Variants in FMNL2 observed in about 807,000 individuals in gnomAD.
The protein encoded by FMNL2 is formin like 2.
FMNL2 carries 51 observed loss-of-function variants against 130.2 expected under a neutral mutation model. The observed-to-expected ratio is 0.39, with a 90% CI of 0.31 to 0.49. The LOEUF (loss-of-function observed/expected upper bound fraction) is 0.49. Among genes scored for constraint, FMNL2 ranks in the 20% least tolerant of loss-of-function variants. The probability of loss-of-function intolerance (pLI) is 0.85; values close to 1 mark genes in which losing one functional copy is unlikely to be tolerated. For missense variants in FMNL2, 977 were observed against 1,316.2 expected (o/e 0.74, Z 3.99); for synonymous variants, 465 against 467.1 (o/e 1.00, Z 0.06).
rs1422293175 is a variant in FMNL2, at chr2:152,649,715, T to TATTA, written c.*1813_*1816dup. On this transcript the variant is annotated 3_prime_UTR_variant, in exon 26 of 26. Transcript: ENST00000288670. ...GTTGGCATGTTCTTTTCTGTTTGTC[T>TATTA]ATTAATGGGCCTGCTTCTTAGCAAT... 1.3e-5 allele frequency: 2 copies of TATTA among 152,658 alleles called. No individual in the cohort carries two copies. Among genetic ancestry groups the TATTA allele is most frequent in the African/African-American group, 4.8e-5 (2 of 41,462 alleles). The allele number at this position is 152,658 out of a possible 1,614,324, so 9.5% of individuals were successfully genotyped here.
chr2:152,637,462 G>A (rs539532704), intron 22 of FMNL2, 111 bp from the exon 23 acceptor site: 14 of 800,232 alleles, frequency 1.7e-5, no homozygotes, highest in Admixed American at 1.1e-4. Flanking sequence ...AGCAACGCAA[G>A]GCCATGGGAG....
intron 21 of FMNL2, among the ~76,000 whole-genome samples, chr2:152,633,351 C>T (rs1313074406): frequency 1.4e-4 from 21 of 152,300 alleles, no homozygotes; most frequent in Non-Finnish European, 5.9e-5. Context: ...TCGCCTCAGC[C>T]TCCTAAAGTG....
intron 1 of FMNL2, among the ~76,000 whole-genome samples, chr2:152,507,532 G>A (rs1161457776): frequency 3.9e-5 from 6 of 152,228 alleles, no homozygotes; most frequent in Admixed American, 6.5e-5. Context: ...CCTGAAATCC[G>A]CTTGGAGTAG....
chr2:152,609,428 TGAAA>T (rs1698565179), intron 10 of FMNL2, among the ~76,000 whole-genome samples: 1 of 152,216 alleles, frequency 6.6e-6, no homozygotes, highest in African/African-American at 2.4e-5. Flanking sequence ...GCACAACCTC[TGAAA>T]CAACATATTC....
At chr2:152,547,694 C>T (rs899985963) in intron 3 of FMNL2, among the ~76,000 whole-genome samples, 1 of 152,210 alleles carries the variant, frequency 6.6e-6, no homozygotes, top group Non-Finnish European at 1.5e-5. Flanking sequence ...TTACTTCCAT[C>T]CTCCTTCCTT....
intron 21 of FMNL2, 93 bp downstream of exon 21, chr2:152,632,230 A>C (rs1682224152): frequency 6.6e-7 from 1 of 1,503,774 alleles, no homozygotes; most frequent in Non-Finnish European, 8.9e-7. Flanking sequence ...TTCAGAACCC[A>C]TTTAAAAAGC....
At chr2:152,409,006 A>G (rs1028637125) in intron 1 of FMNL2, among the ~76,000 whole-genome samples, 4 of 151,344 alleles carry the variant, frequency 2.6e-5, no homozygotes, top group Non-Finnish European at 5.9e-5. Flanking sequence ...AAAGAACTAG[A>G]AGTTTCCTGG....
At chr2:152,375,877 C>CTCTCTCTCTCTATATATATATATATA (rs796954245) in intron 1 of FMNL2, among the ~76,000 whole-genome samples, 25 of 112,468 alleles carry the variant, frequency 2.2e-4, no homozygotes, top group East Asian at 5.4e-4. Flanking sequence ...CTCTCTCTCT[C>CTCTCTCTCTCTATATATATATATATA]TATATATATA....
At chr2:152,630,603 G>T (rs904210867) in intron 20 of FMNL2, among the ~76,000 whole-genome samples, 3 of 152,214 alleles carry the variant, frequency 2.0e-5, no homozygotes, top group African/African-American at 7.2e-5. Context: ...TGGGCAGTGG[G>T]TTGAGTCCCC....
intron 1 of FMNL2, among the ~76,000 whole-genome samples, chr2:152,357,732 A>G (rs186165596): frequency 6.6e-6 from 1 of 152,326 alleles, no homozygotes; most frequent in East Asian, 1.9e-4. Flanking sequence ...CATACATAGC[A>G]CAGTTTTATG....
chr2:152,580,226 T>A (rs941944894), intron 8 of FMNL2, among the ~76,000 whole-genome samples: 37 of 152,324 alleles, frequency 2.4e-4, no homozygotes, highest in Non-Finnish European at 4.6e-4. Flanking sequence ...AGAAAAAAAA[T>A]GAAATACTTA....
At chr2:152,487,321 T>G (rs904818840) in intron 1 of FMNL2, among the ~76,000 whole-genome samples, 3 of 152,202 alleles carry the variant, frequency 2.0e-5, no homozygotes, top group African/African-American at 7.2e-5. Flanking sequence ...TCATCAATCA[T>G]AAGTTATAGA....
chr2:152,592,796 C>T (rs1033099852), intron 9 of FMNL2, among the ~76,000 whole-genome samples: 1 of 152,160 alleles, frequency 6.6e-6, no homozygotes, highest in East Asian at 1.9e-4. Context: ...ATCCATTTAA[C>T]TCAGAGTTCA....
chr2:152,578,654 T>A, intron 7 of FMNL2: 8 of 231,182 alleles, frequency 3.5e-5, no homozygotes, highest in East Asian at 9.2e-5. Context: ...ACCCCCCGCC[T>A]CAGCCTCCTG....
intron 1 of FMNL2, among the ~76,000 whole-genome samples, chr2:152,518,903 T>C (rs1191174844): frequency 6.6e-6 from 1 of 152,226 alleles, no homozygotes; most frequent in Non-Finnish European, 1.5e-5. Context: ...CTTAAAAGCC[T>C]TCAATGGCTT....
intron 1 of FMNL2, among the ~76,000 whole-genome samples, chr2:152,511,138 C>G (rs1264709568): frequency 2.6e-5 from 4 of 152,236 alleles, no homozygotes; most frequent in South Asian, 4.2e-4. Context: ...CACTGATTTC[C>G]ATAGTAGGTG....
In FMNL2 at chr2:152,646,065, A is replaced by G. The variant is rs116752577; in HGVS notation, c.3170-1731A>G. Among the ~76,000 whole-genome samples, 647 of 151,782 alleles carry G rather than the reference A, an allele frequency of 4.3e-3. 7 individuals carry two copies. Among genetic ancestry groups the G allele is most frequent in the African/African-American group, 0.015 (624 of 41,426 alleles). On this transcript the variant is annotated intron_variant, in intron 25 of 25. Coordinates refer to ENST00000288670, the MANE Select transcript of FMNL2 (RefSeq NM_052905.4). ...GCTGGGCATAGTGGCTCACACCTGT[A>G]ATCTGTAATCCCAGCACTCTGGGAG...
intron 1 of FMNL2, among the ~76,000 whole-genome samples, chr2:152,397,820 G>T (rs1180113156): frequency 6.6e-6 from 1 of 152,018 alleles, no homozygotes; most frequent in African/African-American, 2.4e-5. Context: ...GTTGTCACTG[G>T]TTTAAAAAAA....
At chr2:152,486,761 T>G (rs1325630311) in intron 1 of FMNL2, among the ~76,000 whole-genome samples, 1 of 152,158 alleles carries the variant, frequency 6.6e-6, no homozygotes, top group South Asian at 2.1e-4. Flanking sequence ...GAAGAATAAA[T>G]TTTTCTGTGT....
Sources: gnomAD v4.1 joint callset for allele counts (sites outside exome capture counted in the v4.1 genomes callset) on GRCh38, gnomAD v4.1.1 for gene constraint, MANE v1.5 for transcripts, NCBI Gene and HGNC (gene_info 2026-07-23, HGNC 2026-07-21) for gene names.